AKAP6: variants seen among roughly 807,000 people sequenced by gnomAD.
The protein encoded by AKAP6 is A-kinase anchoring protein 6, also known as A-kinase anchor protein 6.
AKAP6 carries 58 observed loss-of-function variants against 188.5 expected under a neutral mutation model. That is an observed-to-expected ratio of 0.31 (90% CI 0.25 to 0.38). The LOEUF (loss-of-function observed/expected upper bound fraction) is 0.38, where lower values mean the gene tolerates loss of function less well. AKAP6 is among the 10% of genes least tolerant of loss of function. The probability of loss-of-function intolerance (pLI) is 1.00; values close to 1 mark genes in which losing one functional copy is unlikely to be tolerated. For synonymous variants in AKAP6, 989 were observed against 998.6 expected, an observed-to-expected ratio of 0.99 and a Z score of 0.18; for missense variants, 2,710 against 2,740.0, an observed-to-expected ratio of 0.99 and a Z score of 0.24.
rs184084338 is a variant in AKAP6 at position 32,819,384 on chromosome 14, A to G, written c.3589-2018A>G. On this transcript the variant is annotated intron_variant, in intron 12 of 13. Coordinates refer to ENST00000280979, the MANE Select transcript of AKAP6 (RefSeq NM_004274.5). Reference sequence around the variant, plus strand: ...GGGCTTCTTAGGAAAGTTTGCTAACATGCTGCAGGTGACGCTTTTTCCCCA... The same window carrying G: ...GGGCTTCTTAGGAAAGTTTGCTAACGTGCTGCAGGTGACGCTTTTTCCCCA... 3.9e-3 allele frequency among the ~76,000 whole-genome samples: 587 copies of G among 152,310 alleles called. 4 individuals are homozygous for G. Among genetic ancestry groups the G allele is most frequent in the Middle Eastern group, 6.8e-3 (2 of 294 alleles).
At chr14:32,488,215 A>G (rs1027153625) in intron 2 of AKAP6, among the ~76,000 whole-genome samples, 1 of 152,156 alleles carries the variant, frequency 6.6e-6, no homozygotes, top group Non-Finnish European at 1.5e-5. Context: ...TTTCTTTTAG[A>G]GATGCCCTGC....
chr14:32,517,372 G>A (rs564553861), intron 2 of AKAP6, among the ~76,000 whole-genome samples: 2 of 152,184 alleles, frequency 1.3e-5, no homozygotes, highest in Non-Finnish European at 2.9e-5. Context: ...TGTAAGTGAC[G>A]CAGAAGACGG....
chr14:32,628,670 A>G (rs931274065), intron 7 of AKAP6, among the ~76,000 whole-genome samples: 1 of 151,054 alleles, frequency 6.6e-6, no homozygotes, highest in East Asian at 1.9e-4. Flanking sequence ...AACATAATAT[A>G]TATCTCCTTT....
rs137965588 is a variant in AKAP6, at chr14:32,377,325, A to C, written c.-35+47917A>C. On this transcript the variant is annotated intron_variant, in intron 1 of 13. Transcript: ENST00000280979. Reference sequence around the variant, plus strand: ...AACTGTGAGGCCTTATATGGAATTTAATCAAATGTGATGTTGTGTCTGATC... The same window carrying C: ...AACTGTGAGGCCTTATATGGAATTTCATCAAATGTGATGTTGTGTCTGATC... 1.1e-4 allele frequency among the ~76,000 whole-genome samples: 17 copies of C among 152,334 alleles called. No homozygotes were observed. In the East Asian group the frequency reaches 3.1e-3, roughly 28 times the overall value.
At chr14:32,794,254 G>A (rs545016393) in intron 12 of AKAP6, among the ~76,000 whole-genome samples, 3 of 152,176 alleles carry the variant, frequency 2.0e-5, no homozygotes, top group Admixed American at 2.0e-4. Flanking sequence ...AAATAATTAA[G>A]GCAGAAATCA....
intron 3 of AKAP6, among the ~76,000 whole-genome samples, chr14:32,542,534 G>T (rs769606121): frequency 1.4e-4 from 21 of 152,164 alleles, no homozygotes; most frequent in Non-Finnish European, 2.6e-4. Context: ...AAAATATTCT[G>T]ACTTACATGT....
intron 2 of AKAP6, among the ~76,000 whole-genome samples, chr14:32,523,657 T>TG (rs1881972356): frequency 6.6e-6 from 1 of 151,852 alleles, no homozygotes; most frequent in Non-Finnish European, 1.5e-5. Flanking sequence ...TTTGTAGAGA[T>TG]GGGGTCTCAC....
At chr14:32,452,827 T>G (rs1890985322) in intron 2 of AKAP6, among the ~76,000 whole-genome samples, 1 of 152,234 alleles carries the variant, frequency 6.6e-6, no homozygotes, top group African/African-American at 2.4e-5. Context: ...TTAATTTTTC[T>G]GTTCAAAATA....
At chr14:32,509,563 T>A (rs1245996120) in intron 2 of AKAP6, among the ~76,000 whole-genome samples, 1 of 152,166 alleles carries the variant, frequency 6.6e-6, no homozygotes, top group African/African-American at 2.4e-5. Flanking sequence ...AAAAAATCCT[T>A]CCATTGGCCA....
intron 2 of AKAP6, among the ~76,000 whole-genome samples, chr14:32,470,956 A>G (rs1878743421): frequency 6.6e-6 from 1 of 152,150 alleles, no homozygotes; most frequent in East Asian, 1.9e-4. Context: ...CCTTTAATCC[A>G]TCTAATAATC....
intron 2 of AKAP6, among the ~76,000 whole-genome samples, chr14:32,505,609 T>C (rs1488453842): frequency 6.6e-6 from 1 of 152,168 alleles, no homozygotes; most frequent in Non-Finnish European, 1.5e-5. Flanking sequence ...ACTTATTCTG[T>C]CTTTATGAAA....
In AKAP6 at chr14:32,690,130, G is replaced by A. The variant is rs530104520; in HGVS notation, c.2880-5860G>A. On this transcript the variant is annotated intron_variant, in intron 8 of 13. Transcript: ENST00000280979. ...ACACACACACACACACGATTACTCAGCCTTAAGTAGAAAACCTGTGAGGAC... is the reference window on the plus strand; with the variant it reads ...ACACACACACACACACGATTACTCAACCTTAAGTAGAAAACCTGTGAGGAC... Among the ~76,000 whole-genome samples the A allele has an allele frequency of 7.9e-4, 112 of 141,452 alleles. 1 individual carries two copies. In the South Asian group the frequency reaches 0.023, roughly 29 times the overall value. The allele number at this position is 141,452 out of a possible 152,430, so 92.8% of individuals were successfully genotyped here.
At chr14:32,581,120 AT>A (rs1309620036) in intron 5 of AKAP6, among the ~76,000 whole-genome samples, 2 of 152,196 alleles carry the variant, frequency 1.3e-5, no homozygotes, top group Admixed American at 1.3e-4. Flanking sequence ...TCCCTGAGGA[AT>A]TGCCACACTG....
In AKAP6 at chr14:32,524,101, G is replaced by A. The variant is rs143374566; in HGVS notation, c.325-11453G>A. On this transcript the variant is annotated intron_variant, in intron 2 of 13. Transcript: ENST00000280979. ...TGCCTATAATCCAGCTACTCCAAAG[G>A]CTAAGGTGGGCACATCATTTGAGAC... Among the ~76,000 whole-genome samples the A allele has an allele frequency of 8.5e-5, 13 of 152,098 alleles. No homozygotes were observed. In the East Asian group the frequency reaches 1.9e-3, roughly 23 times the overall value.
rs577461788 is a variant in AKAP6 at position 32,826,880 on chromosome 14, G to C, written c.*42+2065G>C. On this transcript the variant is annotated intron_variant, in intron 13 of 13. Transcript: ENST00000280979. ...CCCCGGTGATGCCTGGCCTTATCTC[G>C]GGCAAAGGGAGAAACAGCCAGATTT... Among the ~76,000 whole-genome samples the C allele has an allele frequency of 1.9e-3, 285 of 152,130 alleles. 2 individuals carry two copies. Among genetic ancestry groups the C allele is most frequent in the African/African-American group, 6.5e-3 (271 of 41,510 alleles).
intron 12 of AKAP6, among the ~76,000 whole-genome samples, chr14:32,814,593 A>T (rs963374891): frequency 6.6e-6 from 1 of 152,208 alleles, no homozygotes; most frequent in Non-Finnish European, 1.5e-5. Context: ...GTTGAAAGTC[A>T]GGGATTTTCC....
At chr14:32,486,387 A>T (rs7160547) in intron 2 of AKAP6, among the ~76,000 whole-genome samples, 100,477 of 152,094 alleles carry the variant, frequency 0.66, 34,791 homozygotes, top group East Asian at 0.86. Flanking sequence ...ATAGCATTGA[A>T]TCTTTAAATT....
At chr14:32,745,475 CTCTCTCTCTCTCTCTCTCTCTG>C (rs1415596493) in intron 11 of AKAP6, among the ~76,000 whole-genome samples, 22 of 69,032 alleles carry the variant, frequency 3.2e-4, no homozygotes, top group African/African-American at 5.0e-4. Flanking sequence ...CTCTCTCTCT[CTCTCTCTCTCTCTCTCTCTCTG>C]TCTCTCTCTC....
At position 32,774,782 on chromosome 14, in the gene AKAP6, G is replaced by C. The variant is rs533158147; in HGVS notation, c.3588+889G>C. On this transcript the variant is annotated intron_variant, in intron 12 of 13. Transcript: ENST00000280979. The stretch of plus-strand genomic sequence containing the variant: ...CATACATACATACATACATAGAATG[G>C]AAAGTTTTCCTTATATGTTTATATT... Among the ~76,000 whole-genome samples, 3 of 152,096 alleles carry C rather than the reference G, an allele frequency of 2.0e-5. No individual in the cohort carries two copies. The South Asian group carries it at 6.2e-4, about 32-fold the overall frequency.
Sources: allele counts gnomAD v4.1 joint callset (sites outside exome capture counted in the v4.1 genomes callset), GRCh38; gene constraint gnomAD v4.1.1; transcripts MANE v1.5; gene names NCBI Gene and HGNC (gene_info 2026-07-23, HGNC 2026-07-21).